The following USP9Y variants were observed in gnomAD, a reference collection of about 807,000 sequenced individuals.
USP9Y encodes ubiquitin carboxyl-terminal hydrolase 9Y.
Under a neutral mutation model 53.1 loss-of-function variants are expected in USP9Y, and 41 were observed. The ratio of observed to expected loss-of-function variants is 0.77; its 90% confidence interval spans 0.60 to 1.00. The LOEUF is 1.00. Ranked by LOEUF, USP9Y falls within the 50% of genes least tolerant of loss-of-function variation. The probability of loss-of-function intolerance (pLI) is 0.00; values close to 1 mark genes in which losing one functional copy is unlikely to be tolerated. For missense variants in USP9Y, 567 were observed against 535.8 expected, an observed-to-expected ratio of 1.06 and a Z score of -0.58; for synonymous variants, 220 against 173.7, an observed-to-expected ratio of 1.27 and a Z score of -2.09.
At chrY:12,758,927 G>GT (rs2053472322) in intron 14 of USP9Y, among the ~76,000 whole-genome samples, 1 of 33,500 alleles carries the variant, frequency 3.0e-5, no homozygotes, top group Non-Finnish European at 7.4e-5. Flanking sequence ...TCCAGCAGAT[G>GT]TATCAGATAT....
intron 27 of USP9Y, among the ~76,000 whole-genome samples, chrY:12,805,170 C>T (rs1023205769): frequency 1.2e-4 from 4 of 33,171 alleles, no homozygotes; most frequent in Admixed American, 2.8e-4. Context: ...TTCTTGACAA[C>T]TGTTTCGTTA....
chrY:12,838,960 T>C (rs2053557747), intron 35 of USP9Y, among the ~76,000 whole-genome samples: 2 of 33,797 alleles, frequency 5.9e-5, no homozygotes, highest in Non-Finnish European at 1.5e-4. Flanking sequence ...ACCACTTAGA[T>C]TGTGGTTTGT....
chrY:12,771,229 A>G, intron 16 of USP9Y, 74 bp downstream of exon 16: 3 of 235,847 alleles, frequency 1.3e-5, no homozygotes, highest in Non-Finnish European at 1.4e-5. Flanking sequence ...TTCTGTATTT[A>G]TTTTTTCTTT....
At chrY:12,772,764 G>GA (rs2053487102) in intron 16 of USP9Y, among the ~76,000 whole-genome samples, 2 of 3,155 alleles carry the variant, frequency 6.3e-4, no homozygotes, top group African/African-American at 2.5e-3. Context: ...GAGTCTGTCT[G>GA]AAAAAAAAAA....
chrY:12,792,154 C>T, intron 26 of USP9Y, among the ~76,000 whole-genome samples: 2 of 33,959 alleles, frequency 5.9e-5, no homozygotes, highest in Admixed American at 5.3e-4. Context: ...CACATGGTGG[C>T]GCATGCCTGT....
chrY:12,778,477 C>A, intron 20 of USP9Y, 129 bp from the exon 21 acceptor site: 20 of 227,364 alleles, frequency 8.8e-5, no homozygotes, highest in South Asian at 8.3e-4. Flanking sequence ...TTATGTTAGA[C>A]AGTAATTTTT....
intron 24 of USP9Y, among the ~76,000 whole-genome samples, chrY:12,789,580 C>T (rs1318435099): frequency 1.2e-4 from 4 of 33,220 alleles, no homozygotes; most frequent in Admixed American, 1.1e-3. Context: ...TGTAGTGAGT[C>T]GAGATTTCAC....
At chrY:12,808,892 G>A in intron 27 of USP9Y, among the ~76,000 whole-genome samples, 1 of 33,499 alleles carries the variant, frequency 3.0e-5, no homozygotes, top group Non-Finnish European at 7.4e-5. Flanking sequence ...GTTTTATATA[G>A]GAGAGTCACA....
intron 7 of USP9Y, among the ~76,000 whole-genome samples, chrY:12,735,148 AT>A (rs764503230): frequency 0.064 from 1,909 of 30,046 alleles, no homozygotes; most frequent in East Asian, 0.059. Flanking sequence ...CCTCTTTTTG[AT>A]TTTTCTCCTA....
intron 15 of USP9Y, among the ~76,000 whole-genome samples, chrY:12,768,664 T>A (rs575155407): frequency 2.5e-4 from 8 of 32,569 alleles, no homozygotes; most frequent in African/African-American, 6.0e-4. Flanking sequence ...TTTTCTCTAA[T>A]TGTCACAAAT....
chrY:12,730,446 G>A (rs2053446252), intron 7 of USP9Y, among the ~76,000 whole-genome samples: 1 of 28,753 alleles, frequency 3.5e-5, no homozygotes, highest in Non-Finnish European at 8.2e-5. Context: ...TTAGCAAAAC[G>A]TTCTCTTTTA....
chrY:12,842,669 A>T (rs2053563139), intron 38 of USP9Y, among the ~76,000 whole-genome samples: 2 of 33,201 alleles, frequency 6.0e-5, no homozygotes, highest in African/African-American at 2.3e-4. Context: ...AAAGAAGGGA[A>T]ATTCCTTTTG....
chrY:12,755,781 A>G (rs2053467704), intron 12 of USP9Y, among the ~76,000 whole-genome samples: 1 of 33,105 alleles, frequency 3.0e-5, no homozygotes, highest in Admixed American at 2.7e-4. Flanking sequence ...AGAGATATTC[A>G]TATGTTGTTT....
intron 22 of USP9Y, 78 bp downstream of exon 22, chrY:12,779,724 C>A: frequency 6.4e-6 from 2 of 312,309 alleles, no homozygotes; most frequent in South Asian, 3.2e-5. Flanking sequence ...AAAATATTAA[C>A]AAATTCTGTT....
At chrY:12,779,675 A>G in intron 22 of USP9Y, 29 bp downstream of exon 22, 1 of 389,951 alleles carries the variant, frequency 2.6e-6, no homozygotes, top group Non-Finnish European at 3.6e-6. Flanking sequence ...CCCCTATTCC[A>G]CAGAAAGGAT....
At chrY:12,804,209 C>G in intron 27 of USP9Y, among the ~76,000 whole-genome samples, 1 of 33,321 alleles carries the variant, frequency 3.0e-5, no homozygotes, top group Non-Finnish European at 7.4e-5. Context: ...AAAGTTATAA[C>G]ACTTTTAAAG....
Position 12,793,070 on chromosome Y carries a change from A to G in USP9Y, c.3852A>G (p.Glu1284=). ...NGSNKLEVED[E]QVCCEALEVM... ...GCAATAAGCTGGAGGTGGAAGATGA[A>G]CAAGTTTGCTGTGAAGCACTGGAAG... Residue 1284 remains glutamate (E), a synonymous_variant, in exon 27 of 46, where the codon GAA becomes GAG. Coordinates refer to ENST00000338981, the MANE Select transcript of USP9Y (RefSeq NM_004654.4). The G allele has an allele frequency of 2.5e-6, 1 of 399,233 alleles. No homozygotes were observed. Among genetic ancestry groups the G allele is most frequent in the Admixed American group, 7.4e-5 (1 of 13,586 alleles).
At chrY:12,758,672 A>G in intron 14 of USP9Y, 30 bp downstream of exon 14, 1 of 319,644 alleles carries the variant, frequency 3.1e-6, no homozygotes, top group Non-Finnish European at 4.5e-6. Context: ...GAATTTTCTT[A>G]TTTTTATCTG....
At chrY:12,810,472 C>T (rs2053528908) in intron 28 of USP9Y, among the ~76,000 whole-genome samples, 185 bp downstream of exon 28, 1 of 32,780 alleles carries the variant, frequency 3.1e-5, no homozygotes, top group Admixed American at 2.8e-4. Flanking sequence ...AAATACACTA[C>T]GTCTTGGAAA....
Sources: allele counts gnomAD v4.1 joint callset (sites outside exome capture counted in the v4.1 genomes callset), GRCh38; gene constraint gnomAD v4.1.1; transcripts MANE v1.5; gene names NCBI Gene and HGNC (gene_info 2026-07-23, HGNC 2026-07-21).